Variants in KLF8 observed in about 807,000 individuals in gnomAD.
KLF8 encodes the protein KLF transcription factor 8, also known as Krueppel-like factor 8.
In KLF8, 10 loss-of-function variants were observed where a neutral mutation model predicts 18.2. That is an observed-to-expected ratio of 0.55 (90% CI 0.34 to 0.93). KLF8 has a LOEUF of 0.93. KLF8 is among the 40% of genes least tolerant of loss of function. The pLI, the probability that KLF8 is intolerant of heterozygous loss-of-function variation, is 0.02. For synonymous variants in KLF8, 109 were observed against 97.3 expected (o/e 1.12, Z -0.71); for missense variants, 264 against 277.9 (o/e 0.95, Z 0.36).
the KLF8 span, among the ~76,000 whole-genome samples, chrX:56,112,484 A>T: frequency 8.9e-6 from 1 of 112,169 alleles, no homozygotes; most frequent in Non-Finnish European, 1.9e-5. Flanking sequence ...TATAATAAAA[A>T]AAATTTTAAA....
the KLF8 span, among the ~76,000 whole-genome samples, chrX:56,000,149 G>A: frequency 9.0e-6 from 1 of 110,836 alleles, no homozygotes; most frequent in Admixed American, 9.6e-5. Flanking sequence ...CACATTTATT[G>A]ACTTCGATGT....
At chrX:56,137,808 A>G in the KLF8 span, among the ~76,000 whole-genome samples, 2 of 109,595 alleles carry the variant, frequency 1.8e-5, no homozygotes, top group Admixed American at 9.8e-5. Context: ...AAAAACAAGC[A>G]TAAACCAATC....
the KLF8 span, among the ~76,000 whole-genome samples, chrX:55,921,983 G>A: frequency 8.9e-6 from 1 of 112,378 alleles, no homozygotes; most frequent in Non-Finnish European, 1.9e-5. Flanking sequence ...TGGCAAAGCT[G>A]TGGAGAAATA....
intron 1 of KLF8, among the ~76,000 whole-genome samples, chrX:56,246,760 G>A (rs2066627454): frequency 9.0e-6 from 1 of 111,537 alleles, no homozygotes; most frequent in Non-Finnish European, 1.9e-5. Flanking sequence ...CTGAAGATAG[G>A]GAGAGAGGAG....
the KLF8 span, among the ~76,000 whole-genome samples, chrX:56,068,641 A>T: frequency 9.0e-6 from 1 of 111,488 alleles, no homozygotes; most frequent in Non-Finnish European, 1.9e-5. Flanking sequence ...AAACTCAGCT[A>T]GAGGTCACAG....
the KLF8 span, among the ~76,000 whole-genome samples, chrX:56,111,414 C>T: frequency 8.9e-6 from 1 of 111,764 alleles, no homozygotes; most frequent in African/African-American, 3.2e-5. Context: ...AGAACATACA[C>T]ATGGGCAAAG....
the KLF8 span, among the ~76,000 whole-genome samples, chrX:56,225,489 A>G: frequency 8.9e-6 from 1 of 112,028 alleles, no homozygotes; most frequent in African/African-American, 3.2e-5. Context: ...AGAGGACAGA[A>G]GGTGAGACCT....
the KLF8 span, among the ~76,000 whole-genome samples, chrX:56,218,378 C>G: frequency 1.8e-5 from 2 of 111,122 alleles, no homozygotes; most frequent in Admixed American, 1.9e-4. Context: ...ATGATAAAAA[C>G]AGTCCTTTCG....
chrX:56,136,786 G>T, the KLF8 span, among the ~76,000 whole-genome samples: 1 of 110,493 alleles, frequency 9.1e-6, no homozygotes, highest in Non-Finnish European at 1.9e-5. Context: ...CTTCTGCACA[G>T]CAAAAGAAAC....
At chrX:55,984,093 T>C in the KLF8 span, among the ~76,000 whole-genome samples, 1 of 109,212 alleles carries the variant, frequency 9.2e-6, no homozygotes, top group Admixed American at 1.0e-4. Flanking sequence ...ATATAATATA[T>C]ATATTAAGGA....
At chrX:56,281,790 T>C (rs1013865185) in intron 5 of KLF8, among the ~76,000 whole-genome samples, 5 of 112,899 alleles carry the variant, frequency 4.4e-5, no homozygotes, top group African/African-American at 1.6e-4. Context: ...TACTTTGTTC[T>C]TTAATTCAAA....
chrX:56,172,523 G>T, the KLF8 span, among the ~76,000 whole-genome samples: 1 of 111,675 alleles, frequency 9.0e-6, no homozygotes, highest in Non-Finnish European at 1.9e-5. Context: ...CATTTGGGTT[G>T]GTTCCAGGTC....
At chrX:56,047,214 A>G in the KLF8 span, among the ~76,000 whole-genome samples, 17 of 41,089 alleles carry the variant, frequency 4.1e-4, no homozygotes, top group East Asian at 0.011. Flanking sequence ...AGAAGTTGTG[A>G]TGTTTTTTTT....
chrX:56,006,549 G>T, the KLF8 span, among the ~76,000 whole-genome samples: 1 of 112,222 alleles, frequency 8.9e-6, no homozygotes, highest in Non-Finnish European at 1.9e-5. Context: ...CTTGAATCCA[G>T]AATCTCACTG....
the KLF8 span, among the ~76,000 whole-genome samples, chrX:56,170,441 A>G: frequency 9.1e-6 from 1 of 110,491 alleles, no homozygotes; most frequent in Admixed American, 9.8e-5. Context: ...GTTCAAGGTA[A>G]CACAAAGAAA....
the KLF8 span, among the ~76,000 whole-genome samples, chrX:56,051,188 A>T: frequency 9.0e-6 from 1 of 111,432 alleles, no homozygotes; most frequent in South Asian, 3.8e-4. Flanking sequence ...GGTTTCCTGA[A>T]TACAGCATAC....
At chrX:56,131,203 T>A in the KLF8 span, among the ~76,000 whole-genome samples, 1 of 111,753 alleles carries the variant, frequency 8.9e-6, no homozygotes, top group African/African-American at 3.2e-5. Context: ...TTATCTAAAG[T>A]CAAGATGAAG....
the KLF8 span, among the ~76,000 whole-genome samples, chrX:56,034,123 TC>T: frequency 8.9e-6 from 1 of 112,340 alleles, no homozygotes; most frequent in East Asian, 2.8e-4. Context: ...TGCTATATTT[TC>T]TTTTAGTATT....
chrX:56,097,297 G>A, the KLF8 span, among the ~76,000 whole-genome samples: 1 of 108,376 alleles, frequency 9.2e-6, no homozygotes, highest in Non-Finnish European at 1.9e-5. Flanking sequence ...TGGAGGATCA[G>A]TTGATCCTGG....
Sources: gnomAD v4.1 joint callset for allele counts (sites outside exome capture counted in the v4.1 genomes callset) on GRCh38, gnomAD v4.1.1 for gene constraint, MANE v1.5 for transcripts, NCBI Gene and HGNC (gene_info 2026-07-23, HGNC 2026-07-21) for gene names.